ZNF385D: variants seen among roughly 807,000 people sequenced by gnomAD.
The protein encoded by ZNF385D is zinc finger protein 659.
A neutral mutation model predicts 35.8 loss-of-function variants in ZNF385D; 15 were observed. The ratio of observed to expected loss-of-function variants is 0.42; its 90% CI spans 0.28 to 0.64. ZNF385D has a LOEUF of 0.64. ZNF385D is among the 30% of genes least tolerant of loss of function. The probability of loss-of-function intolerance (pLI) is 0.23; values close to 1 mark genes in which losing one functional copy is unlikely to be tolerated. For missense variants in ZNF385D, 474 were observed against 494.6 expected (o/e 0.96, Z 0.39); for synonymous variants, 212 against 186.8 (o/e 1.13, Z -1.10).
At chr3:21,560,995 C>T (rs888408403) in intron 3 of ZNF385D, among the ~76,000 whole-genome samples, 1 of 152,132 alleles carries the variant, frequency 6.6e-6, no homozygotes, top group Non-Finnish European at 1.5e-5. Flanking sequence ...CACCCCTCCC[C>T]CAACCAAGCT....
chr3:22,329,585 GA>G (rs745948321), intron 2 of ZNF385D, among the ~76,000 whole-genome samples: 7 of 152,006 alleles, frequency 4.6e-5, no homozygotes, highest in Non-Finnish European at 1.0e-4. Flanking sequence ...GTCAATTGTA[GA>G]AAAAAATTTA....
At chr3:22,372,526 G>A in exon 2 of ZNF385D, 5 of 985,886 alleles carry the variant, frequency 5.1e-6, no homozygotes, top group Non-Finnish European at 4.8e-6. Context: ...TTCTCCTGCT[G>A]GCGGCCGCCC....
rs530079917 is a variant in ZNF385D, at chr3:22,198,369, A to C, written c.107-29334T>G. ...AGGATTGACTTGTGAAAGGATTCTC[A>C]ATGAGAGAAAGCTTCAAGATAATTA... is the stretch of plus-strand genomic sequence containing the variant. On this transcript the variant is annotated intron_variant, in intron 2 of 5. Transcript: ENST00000494108. 9.2e-5 allele frequency among the ~76,000 whole-genome samples: 14 copies of C among 152,260 alleles called. No homozygotes were observed. The South Asian group carries it at 2.9e-3, about 32-fold the overall frequency.
intron 3 of ZNF385D, among the ~76,000 whole-genome samples, chr3:21,790,400 AAC>A (rs1413829437): frequency 6.6e-6 from 1 of 152,200 alleles, no homozygotes; most frequent in African/African-American, 2.4e-5. Context: ...ATGTAGAACT[AAC>A]ACACAGAGTT....
chr3:22,289,541 A>G (rs570907023), intron 2 of ZNF385D, among the ~76,000 whole-genome samples: 5 of 152,276 alleles, frequency 3.3e-5, no homozygotes, highest in Non-Finnish European at 7.4e-5. Flanking sequence ...CAGCTGAAAA[A>G]CTGGGCATGC....
At chr3:22,368,576 G>T (rs1265395171) in intron 2 of ZNF385D, among the ~76,000 whole-genome samples, 2 of 152,156 alleles carry the variant, frequency 1.3e-5, no homozygotes, top group East Asian at 3.9e-4. Context: ...CCAGGATCTT[G>T]GTGCCAGCAG....
intron 3 of ZNF385D, among the ~76,000 whole-genome samples, chr3:22,025,094 C>G (rs141775995): frequency 5.3e-5 from 8 of 152,162 alleles, no homozygotes; most frequent in Admixed American, 3.3e-4. Context: ...GTGGGAGGAC[C>G]CTGATGAAGC....
rs148116305 is a variant in ZNF385D at position 21,507,021 on chromosome 3, C to T, written c.439+3840G>A. Reference sequence around the variant, plus strand: ...AAAGTTAGTGAATAGGAGCTAACCCCATGGTTTAGATGTATGTGTTACCCC... The same window carrying T: ...AAAGTTAGTGAATAGGAGCTAACCCTATGGTTTAGATGTATGTGTTACCCC... On this transcript the variant is annotated intron_variant, in intron 4 of 7. Coordinates refer to ENST00000281523, the MANE Select transcript of ZNF385D (RefSeq NM_024697.3). 3.7e-3 allele frequency among the ~76,000 whole-genome samples: 568 copies of T among 152,154 alleles called. 2 individuals are homozygous for T. Among genetic ancestry groups the T allele is most frequent in the Middle Eastern group, 0.017 (5 of 294 alleles).
intron 2 of ZNF385D, among the ~76,000 whole-genome samples, chr3:22,208,928 T>C (rs185703201): frequency 5.9e-5 from 9 of 151,968 alleles, no homozygotes; most frequent in Admixed American, 4.0e-4. Context: ...GGAATCTTTG[T>C]TGTCAGTTTT....
At chr3:21,639,890 A>G (rs2125855259) in intron 2 of ZNF385D, among the ~76,000 whole-genome samples, 1 of 152,158 alleles carries the variant, frequency 6.6e-6, no homozygotes, top group Non-Finnish European at 1.5e-5. Context: ...GTAGTCCAGA[A>G]AAAAGAAAAT....
Position 21,465,125 on chromosome 3 carries a change from G to T in ZNF385D, c.440-27922C>A, listed in dbSNP as rs1317226262. ...TTCCAAAGCTGTCTCTGTCTATATG[G>T]AGCATTTTTGTTAAATATTTCTTTG... On this transcript the variant is annotated intron_variant, in intron 4 of 7. Coordinates refer to ENST00000281523, the MANE Select transcript of ZNF385D (RefSeq NM_024697.3). This position sits in a 1 kb window ranked among gnomAD's most constrained non-coding sequence, Gnocchi z 4.2. 6.6e-6 allele frequency among the ~76,000 whole-genome samples: 1 copy of T among 151,990 alleles called. No homozygotes were observed. The highest frequency in any genetic ancestry group is 1.5e-5 in the Non-Finnish European group (1 of 68,004).
intron 2 of ZNF385D, among the ~76,000 whole-genome samples, chr3:22,240,500 T>C (rs543284273): frequency 6.6e-6 from 1 of 151,102 alleles, no homozygotes; most frequent in African/African-American, 2.4e-5. Context: ...TTAGCTCCTT[T>C]CTAATTGGAT....
chr3:21,568,122 G>T (rs2063212094), intron 2 of ZNF385D, among the ~76,000 whole-genome samples: 1 of 151,930 alleles, frequency 6.6e-6, no homozygotes, highest in African/African-American at 2.4e-5. Context: ...ACCATCAAAA[G>T]TAATTATCTT....
At chr3:21,923,076 C>A (rs1270866519) in intron 3 of ZNF385D, among the ~76,000 whole-genome samples, 1 of 152,036 alleles carries the variant, frequency 6.6e-6, no homozygotes, top group African/African-American at 2.4e-5. Context: ...GGTACATGTG[C>A]ACAACATGCA....
chr3:21,588,011 T>C (rs966155604), intron 2 of ZNF385D, among the ~76,000 whole-genome samples: 1 of 152,166 alleles, frequency 6.6e-6, no homozygotes, highest in Non-Finnish European at 1.5e-5. Context: ...AATGACTACA[T>C]TATAAGCATG....
At chr3:22,227,702 G>A (rs1364752055) in intron 2 of ZNF385D, among the ~76,000 whole-genome samples, 1 of 152,094 alleles carries the variant, frequency 6.6e-6, no homozygotes, top group Non-Finnish European at 1.5e-5. Flanking sequence ...TGATACCATT[G>A]CCATGGCAAC....
At chr3:22,146,660 G>GA (rs1161175606) in intron 3 of ZNF385D, among the ~76,000 whole-genome samples, 2 of 152,084 alleles carry the variant, frequency 1.3e-5, no homozygotes, top group African/African-American at 4.8e-5. Context: ...ATCAATGAAT[G>GA]AATAAACACA....
intron 2 of ZNF385D, among the ~76,000 whole-genome samples, chr3:22,258,373 G>T (rs112651331): frequency 0.023 from 3,546 of 151,852 alleles, 69 homozygotes; most frequent in African/African-American, 0.046. Flanking sequence ...CTCAAGGCAG[G>T]ATTTGCAAAT....
In ZNF385D at chr3:21,870,719, G is replaced by A. The variant is rs375435430; in HGVS notation, c.326-205691C>T. Among the ~76,000 whole-genome samples, 5 of 152,072 alleles carry A rather than the reference G, an allele frequency of 3.3e-5. No individual in the cohort carries two copies. In the East Asian group the frequency reaches 5.8e-4, roughly 18 times the overall value. On this transcript the variant is annotated intron_variant, in intron 3 of 5. Transcript: ENST00000494108. ...TTTATAGATAGGTAGATAGGCGTGC[G>A]TGTGTGCGTGTATATGTATGTACAC...
Sources: gnomAD v4.1 joint callset for allele counts (sites outside exome capture counted in the v4.1 genomes callset) on GRCh38, gnomAD v4.1.1 for gene constraint, Gnocchi (gnomAD v3.1) non-coding constraint, MANE v1.5 for transcripts, NCBI Gene and HGNC (gene_info 2026-07-23, HGNC 2026-07-21) for gene names.